The following NEK11 variants were observed in gnomAD, a reference collection of about 807,000 sequenced individuals.
The protein encoded by NEK11 is serine/threonine-protein kinase Nek11.
In NEK11, 72 loss-of-function variants were observed where a neutral mutation model predicts 80.7. That is an observed-to-expected ratio of 0.89 (90% CI 0.74 to 1.08). The LOEUF is 1.08. NEK11 is among the 50% of genes least tolerant of loss of function. The pLI is 0.00. For missense variants in NEK11, 764 were observed against 763.6 expected, an observed-to-expected ratio of 1.00 and a Z score of -0.01; for synonymous variants, 251 against 260.7, an observed-to-expected ratio of 0.96 and a Z score of 0.36.
chr3:131,029,111 T>G lies in NEK11; in HGVS notation c.-96-502T>G, dbSNP rs1431107872. Among the ~76,000 whole-genome samples the G allele has an allele frequency of 3.9e-5, 6 of 152,144 alleles. No individual in the cohort carries two copies. In the East Asian group the frequency reaches 1.2e-3, roughly 29 times the overall value. On this transcript the variant is annotated intron_variant, in intron 2 of 17. Transcript: ENST00000383366. ...CATCTGTCCTAATAAATACAAAAACTGTGGTTTAACATCTACAGAAAAAAA... is the reference window on the plus strand; with the variant it reads ...CATCTGTCCTAATAAATACAAAAACGGTGGTTTAACATCTACAGAAAAAAA...
At position 131,311,767 on chromosome 3, in the gene NEK11, G is replaced by A. The variant is rs990950750; in HGVS notation, c.1719-37790G>A. 4.6e-5 allele frequency among the ~76,000 whole-genome samples: 7 copies of A among 152,302 alleles called. 1 individual carries two copies. Among genetic ancestry groups the A allele is most frequent in the Admixed American group, 4.6e-4 (7 of 15,288 alleles). The stretch of plus-strand genomic sequence containing the variant: ...GCACTGAAAGGAATATGTTTGAAGA[G>A]TATAGTTCTTGCAAATATTTGTTGT... On this transcript the variant is annotated intron_variant, in intron 17 of 17. Transcript: ENST00000383366.
At chr3:131,336,784 C>T (rs1190731998) in intron 17 of NEK11, among the ~76,000 whole-genome samples, 10 of 152,120 alleles carry the variant, frequency 6.6e-5, no homozygotes, top group East Asian at 1.9e-4. Flanking sequence ...AAAAAACAAC[C>T]GCATCAAAAA....
At chr3:131,311,693 T>G (rs2096783902) in intron 17 of NEK11, among the ~76,000 whole-genome samples, 1 of 152,146 alleles carries the variant, frequency 6.6e-6, no homozygotes, top group African/African-American at 2.4e-5. Context: ...TGTTACAGAG[T>G]GTGCTAAGGC....
At chr3:131,197,584 A>G (rs1334012862) in intron 14 of NEK11, among the ~76,000 whole-genome samples, 2 of 152,170 alleles carry the variant, frequency 1.3e-5, no homozygotes, top group Admixed American at 6.5e-5. Context: ...GGCCTGGCCC[A>G]GTAAATAATA....
At chr3:131,275,767 A>G (rs1425981511) in intron 17 of NEK11, among the ~76,000 whole-genome samples, 1 of 152,236 alleles carries the variant, frequency 6.6e-6, no homozygotes, top group Non-Finnish European at 1.5e-5. Flanking sequence ...CTGCACTGTG[A>G]TATACTGCAT....
At chr3:131,153,369 C>T (rs1469393686) in intron 9 of NEK11, among the ~76,000 whole-genome samples, 1 of 152,136 alleles carries the variant, frequency 6.6e-6, no homozygotes, top group Admixed American at 6.5e-5. Context: ...TCCTTTATTA[C>T]ATATCTCAAT....
chr3:131,219,556 C>CA (rs11455146), intron 14 of NEK11, among the ~76,000 whole-genome samples: 111,604 of 143,960 alleles, frequency 0.78, 42,879 homozygotes, highest in South Asian at 0.81. Flanking sequence ...TTAAAGTATA[C>CA]AAAAAAAAAA....
chr3:131,258,562 T>C (rs977651759), intron 16 of NEK11, among the ~76,000 whole-genome samples: 14 of 152,204 alleles, frequency 9.2e-5, no homozygotes, highest in African/African-American at 3.4e-4. Context: ...ACAAATCTCA[T>C]CTTAGCCTGT....
intron 5 of NEK11, among the ~76,000 whole-genome samples, chr3:131,112,375 A>C (rs1038013701): frequency 1.3e-5 from 2 of 152,220 alleles, no homozygotes; most frequent in Non-Finnish European, 2.9e-5. Flanking sequence ...AAAAATAGGC[A>C]AAACTAACCT....
At chr3:131,110,234 G>T (rs1300198066) in intron 5 of NEK11, among the ~76,000 whole-genome samples, 1 of 152,016 alleles carries the variant, frequency 6.6e-6, no homozygotes, top group Non-Finnish European at 1.5e-5. Context: ...GAAACCTTTG[G>T]CATCCTATGA....
chr3:131,087,983 C>T (rs973634304), intron 4 of NEK11: 1 of 152,276 alleles, frequency 6.6e-6, no homozygotes, highest in Admixed American at 6.5e-5. Flanking sequence ...CTACTGTGAA[C>T]TCAAATCAGG....
intron 14 of NEK11, among the ~76,000 whole-genome samples, chr3:131,221,113 A>T (rs1561046654): frequency 6.6e-6 from 1 of 152,164 alleles, no homozygotes; most frequent in African/African-American, 2.4e-5. Context: ...GAAAGTCCTT[A>T]TCTCTTAGAG....
chr3:131,328,193 G>C (rs2097006173), intron 17 of NEK11, among the ~76,000 whole-genome samples: 1 of 152,004 alleles, frequency 6.6e-6, no homozygotes, highest in Non-Finnish European at 1.5e-5. Flanking sequence ...TACAGACTGA[G>C]GTGGGAGGAT....
intron 17 of NEK11, among the ~76,000 whole-genome samples, chr3:131,296,434 C>A (rs2096593864): frequency 6.6e-6 from 1 of 152,104 alleles, no homozygotes; most frequent in Non-Finnish European, 1.5e-5. Flanking sequence ...TTTATGTAGA[C>A]CTGAGTTTCT....
In NEK11 at chr3:131,349,929, A is replaced by G. The variant is rs1266411393; in HGVS notation, c.*153A>G. 2 of 627,980 alleles carry G rather than the reference A, an allele frequency of 3.2e-6. No individual in the cohort carries two copies. The highest frequency in any genetic ancestry group is 5.5e-6 in the Non-Finnish European group (2 of 360,986). The allele number at this position is 627,980 out of a possible 1,614,324, so 38.9% of individuals were successfully genotyped here. A position where few individuals can be genotyped will look rare whatever the true frequency, so the allele number is the denominator to read the frequency against. ...TCATCAGAAGTACTGGCTTCTTTAG[A>G]GAGTAGTAAGCATGGCTGCCTATGC... On this transcript the variant is annotated 3_prime_UTR_variant, in exon 18 of 18. Transcript: ENST00000383366.
chr3:131,148,996 T>C (rs1479267455), intron 7 of NEK11, among the ~76,000 whole-genome samples: 1 of 152,034 alleles, frequency 6.6e-6, no homozygotes, highest in Non-Finnish European at 1.5e-5. Flanking sequence ...GTTGGGAACA[T>C]TCCAAGTCTT....
chr3:131,234,826 T>A (rs2095403012), intron 15 of NEK11, among the ~76,000 whole-genome samples: 1 of 151,406 alleles, frequency 6.6e-6, no homozygotes, highest in African/African-American at 2.4e-5. Flanking sequence ...TATACTATTC[T>A]TTTTTTTTCT....
At chr3:131,297,755 T>G (rs1452625827) in intron 17 of NEK11, among the ~76,000 whole-genome samples, 1 of 152,178 alleles carries the variant, frequency 6.6e-6, no homozygotes. Flanking sequence ...ATGTCCTGAA[T>G]GGTAATGCCT....
chr3:131,254,218 C>A (rs907505933), intron 16 of NEK11, among the ~76,000 whole-genome samples: 1 of 152,152 alleles, frequency 6.6e-6, no homozygotes, highest in Non-Finnish European at 1.5e-5. Flanking sequence ...GGCTTATAAT[C>A]CAGAATATCC....
Sources: allele counts gnomAD v4.1 joint callset (sites outside exome capture counted in the v4.1 genomes callset), GRCh38; gene constraint gnomAD v4.1.1; transcripts MANE v1.5; gene names NCBI Gene and HGNC (gene_info 2026-07-23, HGNC 2026-07-21).